The following SCN7A variants were observed in gnomAD, a reference collection of about 807,000 sequenced individuals.
SCN7A encodes sodium voltage-gated channel alpha subunit 7, also known as sodium channel protein type 7 subunit alpha.
SCN7A carries 138 observed loss-of-function variants against 155.2 expected under a neutral mutation model. That is an observed-to-expected ratio of 0.89 (90% CI 0.77 to 1.02). The LOEUF (loss-of-function observed/expected upper bound fraction) is 1.02, where lower values mean the gene tolerates loss of function less well. Ranked by LOEUF, SCN7A falls within the 50% of genes least tolerant of loss-of-function variation. The pLI is 0.00. For synonymous variants in SCN7A, 693 were observed against 649.0 expected (o/e 1.07, Z -1.03); for missense variants, 2,058 against 1,986.6 (o/e 1.04, Z -0.68).
In SCN7A at chr2:166,412,530, C is replaced by T; in HGVS notation, c.3606G>A (p.Lys1202=). 7 of 1,464,694 alleles carry T rather than the reference C, an allele frequency of 4.8e-6. No individual in the cohort carries two copies. Among genetic ancestry groups the T allele is most frequent in the Non-Finnish European group, 6.3e-6 (7 of 1,112,144 alleles). The allele number at this position is 1,464,694 out of a possible 1,614,324, so 90.7% of individuals were successfully genotyped here. A position where few individuals can be genotyped will look rare whatever the true frequency, so the allele number is the denominator to read the frequency against. ...ATAAACAAATAATATTTATACTTAT[C>T]TTTATTTTATGCTTGTTGAAATTAT... ...IIDNFNKHKI[K]LGGSNIFITV... The change falls in exon 23 of 26, where the codon AAG becomes AAA. Residue 1202 remains lysine (K), a splice_region_variant and synonymous_variant. Transcript: ENST00000643258.
At chr2:166,479,311 A>G (rs959904084) in intron 2 of SCN7A, among the ~76,000 whole-genome samples, 1 of 152,176 alleles carries the variant, frequency 6.6e-6, no homozygotes, top group East Asian at 1.9e-4. Context: ...TTGGGACACC[A>G]TTCATTGCAA....
At chr2:166,445,756 C>T (rs1455493080) in intron 12 of SCN7A, among the ~76,000 whole-genome samples, 3 of 151,510 alleles carry the variant, frequency 2.0e-5, no homozygotes, top group African/African-American at 7.3e-5. Flanking sequence ...CTGCTGGATT[C>T]GACAAAAACA....
Position 166,406,560 on chromosome 2 carries a change from G to C in SCN7A, c.4069C>G (p.Leu1357Val). The C allele has an allele frequency of 6.2e-7, 1 of 1,612,820 alleles. No homozygotes were observed. The highest frequency in any genetic ancestry group is 8.5e-7 in the Non-Finnish European group (1 of 1,179,224). ...LILLSRIIHM[L>V]RLGKGPKVFH... ...ACCTTTGGTCCTTTTCCAAGACGCA[G>C]CATGTGAATGATCCGTGAGAGAAGT... The change falls in exon 26 of 26, where the codon CTG becomes GTG. Residue 1357 changes from leucine to valine, a missense_variant. Physicochemically the swap from Leu to Val is conservative, Grantham distance 32 (BLOSUM62 1). Coordinates refer to ENST00000643258, the MANE Select transcript of SCN7A (RefSeq NM_002976.4).
chr2:166,427,521 C>T (rs903556590), intron 18 of SCN7A, among the ~76,000 whole-genome samples: 2 of 151,808 alleles, frequency 1.3e-5, no homozygotes, highest in Non-Finnish European at 2.9e-5. Context: ...ATTCCATTTC[C>T]CACTGTCACT....
Position 166,441,765 on chromosome 2 carries a change from T to C in SCN7A, c.1801-13A>G. ...TGAAAATTCTTAACTAATAGAGCAA[T>C]GTAAAATCAAGAACAAGAAACAAAT... On this transcript the variant is annotated splice_polypyrimidine_tract_variant and intron_variant, in intron 14 of 25. Coordinates refer to ENST00000643258, the MANE Select transcript of SCN7A (RefSeq NM_002976.4). 6.4e-7 allele frequency: 1 copy of C among 1,568,774 alleles called. No individual in the cohort carries two copies. The highest frequency in any genetic ancestry group is 8.6e-7 in the Non-Finnish European group (1 of 1,158,166).
At chr2:166,489,715 A>G (rs1243232299) in intron 1 of SCN7A, among the ~76,000 whole-genome samples, 1 of 152,078 alleles carries the variant, frequency 6.6e-6, no homozygotes, top group African/African-American at 2.4e-5. Context: ...GACTTTTGCT[A>G]CTTTCTCCTT....
Position 166,406,205 on chromosome 2 carries a change from T to TA in SCN7A, c.4423dup (p.Tyr1475LeufsTer30). On this transcript the variant is annotated frameshift_variant, in exon 26 of 26. Coordinates refer to ENST00000643258, the MANE Select transcript of SCN7A (RefSeq NM_002976.4). LOFTEE classifies it high-confidence loss of function. ...TGATATGAGGATATAACTGACAAAA[T>TA]AAAAAATCCCAACAGAGGGGTTCCC... is the stretch of plus-strand genomic sequence containing the variant. 12 of 1,612,864 alleles carry TA rather than the reference T, an allele frequency of 7.4e-6. No individual in the cohort carries two copies. Among genetic ancestry groups the TA allele is most frequent in the African/African-American group, 1.3e-5 (1 of 74,896 alleles).
At chr2:166,479,400 A>G (rs969407927) in intron 2 of SCN7A, among the ~76,000 whole-genome samples, 2 of 152,178 alleles carry the variant, frequency 1.3e-5, no homozygotes, top group African/African-American at 4.8e-5. Context: ...TCTTATAGAC[A>G]TTCAAGGGGA....
At chr2:166,461,643 A>C (rs1462152500) in intron 10 of SCN7A, 2 of 117,728 alleles carry the variant, frequency 1.7e-5, no homozygotes, top group Non-Finnish European at 3.5e-5. Context: ...TCAACTAAAG[A>C]ATTAATACCT....
Position 166,462,531 on chromosome 2 carries a change from CT to C in SCN7A, c.942-2del. ...ACACACATATCCTTCAGGACACTGA[CT>C]AAAGAAGACAAAGAAAAAAACCTGC... On this transcript the variant is annotated splice_acceptor_variant, in intron 9 of 25. Transcript: ENST00000643258. LOFTEE classifies it high-confidence loss of function. 6.2e-7 allele frequency: 1 copy of C among 1,612,070 alleles called. No homozygotes were observed. Among genetic ancestry groups the C allele is most frequent in the Non-Finnish European group, 8.5e-7 (1 of 1,179,330 alleles).
rs1274691222 is a variant in SCN7A, at chr2:166,457,044, T to C, written c.1116A>G (p.Ile372Met). Residue 372 changes from isoleucine to methionine, a missense_variant, in exon 11 of 26, where the codon ATA becomes ATG. Transcript: ENST00000643258. ...ACAAAAAACTTACCACCACAAAAAA[T>C]ATCATGTAGACCTTCCCAGAAGCAT... ...ILYASGKVYM[I>M]FFVVVSFLFS... is the part of the protein sequence containing the mutation. 1 of 1,610,214 alleles carries C rather than the reference T, an allele frequency of 6.2e-7. No homozygotes were observed. Among genetic ancestry groups the C allele is most frequent in the Non-Finnish European group, 8.5e-7 (1 of 1,178,676 alleles).
At chr2:166,464,942 T>C (rs1404213138) in intron 9 of SCN7A, among the ~76,000 whole-genome samples, 1 of 152,226 alleles carries the variant, frequency 6.6e-6, no homozygotes, top group East Asian at 1.9e-4. Context: ...TAAAATTGGA[T>C]GAATAGTATT....
At chr2:166,407,925 T>C (rs1574996184) in intron 25 of SCN7A, among the ~76,000 whole-genome samples, 1 of 151,960 alleles carries the variant, frequency 6.6e-6, no homozygotes, top group African/African-American at 2.4e-5. Flanking sequence ...TCTGTGTCCA[T>C]GTGTTCTCAT....
In SCN7A at chr2:166,456,941, T is replaced by G. The variant is rs11888208; in HGVS notation, c.1219A>C (p.Ile407Leu). Residue 407 changes from isoleucine to leucine, a missense_variant, in exon 11 of 26, where the codon ATA (isoleucine) becomes CTA (leucine). Physicochemically the swap from Ile to Leu is conservative, Grantham distance 5. Coordinates refer to ENST00000643258, the MANE Select transcript of SCN7A (RefSeq NM_002976.4). ...YEEEKQRVGE[I>L]SKKIEPKFQQ... Reference sequence around the variant, plus strand: ...AATTTTGGTTCAATCTTCTTAGATATTTCACCAACTCTCTGCTTTTCTTCT... The same window carrying G: ...AATTTTGGTTCAATCTTCTTAGATAGTTCACCAACTCTCTGCTTTTCTTCT... The G allele has an allele frequency of 2.5e-6, 4 of 1,579,918 alleles. No individual in the cohort carries two copies. Among genetic ancestry groups the G allele is most frequent in the Non-Finnish European group, 3.4e-6 (4 of 1,161,944 alleles).
At chr2:166,457,137 C>T (rs1005412722) in intron 10 of SCN7A, 61 bp from the exon 11 acceptor site, 17 of 1,264,080 alleles carry the variant, frequency 1.3e-5, no homozygotes, top group Middle Eastern at 2.6e-4. Context: ...CAGGATTCTC[C>T]TATTTTAAAA....
chr2:166,419,512 T>G (rs900674791), intron 20 of SCN7A, among the ~76,000 whole-genome samples: 1 of 151,790 alleles, frequency 6.6e-6, no homozygotes, highest in Non-Finnish European at 1.5e-5. Flanking sequence ...GGACTACACT[T>G]GCACACACCA....
intron 9 of SCN7A, among the ~76,000 whole-genome samples, chr2:166,462,844 C>T (rs568412151): frequency 6.6e-6 from 1 of 152,156 alleles, no homozygotes; most frequent in South Asian, 2.1e-4. Flanking sequence ...GTACAACATG[C>T]TGTTTTGAAA....
At chr2:166,452,850 C>T (rs573971352) in intron 11 of SCN7A, among the ~76,000 whole-genome samples, 209 of 152,272 alleles carry the variant, frequency 1.4e-3, no homozygotes, top group Admixed American at 2.0e-3. Context: ...CTTGAAAATT[C>T]ATGATGGTAC....
intron 9 of SCN7A, among the ~76,000 whole-genome samples, chr2:166,464,695 G>A (rs565812341): frequency 6.6e-6 from 1 of 151,982 alleles, no homozygotes; most frequent in Non-Finnish European, 1.5e-5. Flanking sequence ...CTCTTTGCAC[G>A]CCAGGACAAC....
Sources: gnomAD v4.1 joint callset for allele counts (sites outside exome capture counted in the v4.1 genomes callset) on GRCh38, gnomAD v4.1.1 for gene constraint, MANE v1.5 for transcripts, NCBI Gene and HGNC (gene_info 2026-07-23, HGNC 2026-07-21) for gene names.